The following LRP1B variants were observed in gnomAD, a reference collection of about 807,000 sequenced individuals.
LRP1B encodes low-density lipoprotein receptor-related protein 1B.
Under a neutral mutation model 556.6 loss-of-function variants are expected in LRP1B, and 217 were observed. That is an observed-to-expected ratio of 0.39 (90% confidence interval 0.35 to 0.44). The LOEUF is 0.44. Among genes scored for constraint, LRP1B ranks in the 20% least tolerant of loss-of-function variants. The probability of loss-of-function intolerance (pLI) is 1.00; values close to 1 mark genes in which losing one functional copy is unlikely to be tolerated. For missense variants in LRP1B, 5,053 were observed against 5,620.8 expected (o/e 0.90, Z 3.23); for synonymous variants, 2,047 against 1,865.8 (o/e 1.10, Z -2.50).
chr2:140,414,939 A>C (rs1685120596), intron 66 of LRP1B, among the ~76,000 whole-genome samples: 1 of 152,180 alleles, frequency 6.6e-6, no homozygotes, highest in Admixed American at 6.5e-5. Context: ...TAGGAGATAT[A>C]TCGCTAAATT....
chr2:141,943,479 C>T (rs1219153144), intron 1 of LRP1B, among the ~76,000 whole-genome samples: 2 of 152,140 alleles, frequency 1.3e-5, no homozygotes, highest in Non-Finnish European at 2.9e-5. Flanking sequence ...AAGTACTATT[C>T]TTTACATAGG....
chr2:140,815,749 C>G (rs1691094657), intron 31 of LRP1B, among the ~76,000 whole-genome samples: 1 of 151,978 alleles, frequency 6.6e-6, no homozygotes, highest in Admixed American at 6.6e-5. Flanking sequence ...AGGGAAGAAG[C>G]TAGGGAGTAT....
intron 7 of LRP1B, among the ~76,000 whole-genome samples, chr2:141,097,089 T>G (rs1185061542): frequency 6.6e-6 from 1 of 152,218 alleles, no homozygotes; most frequent in Non-Finnish European, 1.5e-5. Flanking sequence ...TGGCTCTTAA[T>G]AAATGTCTGT....
intron 2 of LRP1B, among the ~76,000 whole-genome samples, chr2:141,500,579 T>A (rs1683679108): frequency 6.6e-6 from 1 of 152,140 alleles, no homozygotes; most frequent in South Asian, 2.1e-4. Flanking sequence ...AGTCAATGAT[T>A]TAAAAATTCA....
intron 1 of LRP1B, among the ~76,000 whole-genome samples, chr2:142,040,593 C>T (rs1704030037): frequency 6.9e-6 from 1 of 144,458 alleles, no homozygotes; most frequent in Non-Finnish European, 1.5e-5. Context: ...TAAATGCAGT[C>T]TAGAAAATGC....
intron 7 of LRP1B, among the ~76,000 whole-genome samples, chr2:141,150,866 GGTTTGTGTGT>G (rs1384670568): frequency 1.2e-3 from 53 of 45,866 alleles, no homozygotes; most frequent in Admixed American, 6.9e-3. Context: ...TTGTCATGCT[GGTTTGTGTGT>G]GTGTGTGTGT....
chr2:140,284,848 C>T (rs1315705204), intron 84 of LRP1B, among the ~76,000 whole-genome samples: 1 of 150,496 alleles, frequency 6.6e-6, no homozygotes, highest in Non-Finnish European at 1.5e-5. Flanking sequence ...TTGCTACCAC[C>T]CCAGTGTAGA....
chr2:140,322,679 C>T (rs779881724), intron 81 of LRP1B, among the ~76,000 whole-genome samples: 100 of 151,940 alleles, frequency 6.6e-4, no homozygotes, highest in Non-Finnish European at 1.0e-3. Flanking sequence ...GTGTGCCATA[C>T]ATATTTTTGT....
At chr2:141,218,279 A>C (rs1287410785) in intron 6 of LRP1B, among the ~76,000 whole-genome samples, 2 of 152,206 alleles carry the variant, frequency 1.3e-5, no homozygotes, top group African/African-American at 2.4e-5. Context: ...TGATCCCATT[A>C]CTAGGTATAT....
chr2:141,168,790 C>T (rs1680372230), intron 7 of LRP1B, among the ~76,000 whole-genome samples: 1 of 152,046 alleles, frequency 6.6e-6, no homozygotes. Flanking sequence ...TACTCTTCCC[C>T]ACTTCAGTCT....
chr2:142,114,002 T>C (rs72851456), intron 1 of LRP1B, among the ~76,000 whole-genome samples: 10,390 of 152,116 alleles, frequency 0.068, 482 homozygotes, highest in Non-Finnish European at 0.094. Flanking sequence ...CCACCACCAA[T>C]TGGTCATGAC....
intron 1 of LRP1B, among the ~76,000 whole-genome samples, chr2:141,943,232 C>T (rs186761242): frequency 1.2e-3 from 190 of 152,172 alleles, no homozygotes; most frequent in Non-Finnish European, 1.9e-3. Context: ...GATATATAGC[C>T]TCTAATTAAC....
chr2:140,548,850 G>A lies in LRP1B; in HGVS notation c.7195-6879C>T, dbSNP rs924138622. Among the ~76,000 whole-genome samples the A allele has an allele frequency of 3.2e-4, 48 of 151,910 alleles. 1 individual carries two copies. Among genetic ancestry groups the A allele is most frequent in the Admixed American group, 6.6e-5 (1 of 15,242 alleles). On this transcript the variant is annotated intron_variant, in intron 43 of 90. Coordinates refer to ENST00000389484, the MANE Select transcript of LRP1B (RefSeq NM_018557.3). ...TAAGGCAGGAAAATCGCTTGAACCC[G>A]GGAGGCAAAGGTTGCAGTGAGCCAA...
chr2:140,478,350 C>A (rs559924503), intron 59 of LRP1B, among the ~76,000 whole-genome samples: 2 of 151,744 alleles, frequency 1.3e-5, no homozygotes, highest in Non-Finnish European at 2.9e-5. Context: ...GGGGTTTCAC[C>A]GTGTTAGCCA....
chr2:140,363,871 G>T (rs980708925), intron 72 of LRP1B, among the ~76,000 whole-genome samples: 1 of 151,456 alleles, frequency 6.6e-6, no homozygotes, highest in Non-Finnish European at 1.5e-5. Flanking sequence ...TTATTTACCT[G>T]GTGTGCCACT....
intron 7 of LRP1B, among the ~76,000 whole-genome samples, chr2:141,143,818 T>C (rs1349364674): frequency 2.9e-5 from 4 of 138,592 alleles, no homozygotes; most frequent in African/African-American, 1.0e-4. Flanking sequence ...AATTTATCTG[T>C]CAAGAGCTTT....
intron 60 of LRP1B, among the ~76,000 whole-genome samples, chr2:140,463,341 CCAAGGA>C (rs1381150884): frequency 6.6e-6 from 1 of 152,098 alleles, no homozygotes; most frequent in African/African-American, 2.4e-5. Context: ...AACCTTAGGG[CCAAGGA>C]CATTTGTTCT....
intron 7 of LRP1B, among the ~76,000 whole-genome samples, chr2:141,098,407 T>C (rs76776319): frequency 0.07 from 10,643 of 152,278 alleles, 404 homozygotes; most frequent in South Asian, 0.11. Context: ...AATTATTGTA[T>C]AATGTGAAAT....
chr2:140,372,397 A>G (rs1683035795), intron 69 of LRP1B, among the ~76,000 whole-genome samples: 1 of 152,104 alleles, frequency 6.6e-6, no homozygotes, highest in Non-Finnish European at 1.5e-5. Flanking sequence ...TTATGGTCAT[A>G]CATACATTAT....
Sources: gnomAD v4.1 joint callset for allele counts (sites outside exome capture counted in the v4.1 genomes callset) on GRCh38, gnomAD v4.1.1 for gene constraint, MANE v1.5 for transcripts, NCBI Gene and HGNC (gene_info 2026-07-23, HGNC 2026-07-21) for gene names.